TSFM: variants seen among roughly 807,000 people sequenced by gnomAD.
The protein encoded by TSFM is elongation factor Ts, mitochondrial.
A neutral mutation model predicts 33.4 loss-of-function variants in TSFM; 29 were observed. That is an observed-to-expected ratio of 0.87 (90% CI 0.65 to 1.18). The LOEUF is 1.18. Ranked by LOEUF, TSFM falls within the 50% of genes most tolerant of loss-of-function variation. TSFM has a pLI of 0.00. For missense variants in TSFM, 394 were observed against 395.6 expected (o/e 1.00, Z 0.04); for synonymous variants, 178 against 163.5 (o/e 1.09, Z -0.68).
intron 5 of TSFM, among the ~76,000 whole-genome samples, chr12:57,793,654 T>C (rs962580646): frequency 1.3e-5 from 2 of 152,188 alleles, no homozygotes; most frequent in Non-Finnish European, 2.9e-5. Flanking sequence ...GAATTTAGAT[T>C]TGTATCCAAA....
intron 4 of TSFM, among the ~76,000 whole-genome samples, chr12:57,787,858 T>A (rs1347750615): frequency 6.7e-6 from 1 of 150,254 alleles, no homozygotes; most frequent in Non-Finnish European, 1.5e-5. Context: ...ACCCGGGAGG[T>A]AGAGGCTGCA....
At position 57,783,090 on chromosome 12, in the gene TSFM, C is replaced by T; in HGVS notation, c.58-20C>T. The T allele has an allele frequency of 6.3e-7, 1 of 1,597,822 alleles. No homozygotes were observed. The highest frequency in any genetic ancestry group is 8.5e-7 in the Non-Finnish European group (1 of 1,173,794). ...GAGTTTGCTGCTTCCTGCTCCTCATCCCTTTCTTATCTCATCTAGGCTGGG... is the reference window on the plus strand; with the variant it reads ...GAGTTTGCTGCTTCCTGCTCCTCATTCCTTTCTTATCTCATCTAGGCTGGG... On this transcript the variant is annotated intron_variant, in intron 1 of 5. Coordinates refer to ENST00000652027, the MANE Select transcript of TSFM (RefSeq NM_005726.6).
downstream of TSFM, among the ~76,000 whole-genome samples, chr12:57,799,017 A>G (rs1184913392): frequency 6.6e-6 from 1 of 152,230 alleles, no homozygotes; most frequent in Non-Finnish European, 1.5e-5. Context: ...GAAGCTGAGA[A>G]TATGATGGTG....
intron 3 of TSFM, among the ~76,000 whole-genome samples, chr12:57,786,839 C>G (rs2140417761): frequency 6.6e-6 from 1 of 152,298 alleles, no homozygotes; most frequent in Non-Finnish European, 1.5e-5. Flanking sequence ...CAGGCTATTG[C>G]TAACTCACTG....
Position 57,782,839 on chromosome 12 carries a change from C to G in TSFM, c.38C>G (p.Ala13Gly). 1 of 1,595,868 alleles carries G rather than the reference C, an allele frequency of 6.3e-7. No individual in the cohort carries two copies. Among genetic ancestry groups the G allele is most frequent in the Non-Finnish European group, 8.5e-7 (1 of 1,171,982 alleles). Residue 13 changes from alanine (A) to glycine (G), a missense_variant, in exon 1 of 6, where the codon GCG becomes GGG. Transcript: ENST00000652027. Reference sequence around the variant, plus strand: ...CGGTCGCTGCGCGTGTTTCTGGTCGCGCGGACCGGGAGCTACCCGGTGAGA... The same window carrying G: ...CGGTCGCTGCGCGTGTTTCTGGTCGGGCGGACCGGGAGCTACCCGGTGAGA... ...LLRSLRVFLV[A>G]RTGSYPAGSL...
At chr12:57,793,918 A>G (rs904032485) in intron 5 of TSFM, among the ~76,000 whole-genome samples, 1 of 152,198 alleles carries the variant, frequency 6.6e-6, no homozygotes, top group African/African-American at 2.4e-5. Context: ...GTAAAGATAC[A>G]TTCTTTTAGA....
At chr12:57,790,609 C>A (rs991525674) in intron 4 of TSFM, among the ~76,000 whole-genome samples, 1 of 151,880 alleles carries the variant, frequency 6.6e-6, no homozygotes, top group African/African-American at 2.4e-5. Context: ...ATTTGTAGTT[C>A]TTTTTGTCTT....
In TSFM at chr12:57,783,144, G is replaced by T. The variant is rs148797631; in HGVS notation, c.92G>T (p.Arg31Met). ...CTTCTGCGTCAGTCGCCCCAGCCAA[G>T]GCACACATTTTATGCTGGGCCCCGT... ...GSLLRQSPQP[R>M]HTFYAGPRLS... Residue 31 changes from arginine (R) to methionine (M), a missense_variant, in exon 2 of 6, where the codon AGG becomes ATG. Arg to Met is a moderately conservative substitution (Grantham distance 91). Coordinates refer to ENST00000652027, the MANE Select transcript of TSFM (RefSeq NM_005726.6). 6.2e-7 allele frequency: 1 copy of T among 1,612,530 alleles called. No homozygotes were observed. The highest frequency in any genetic ancestry group is 1.7e-5 in the Admixed American group (1 of 60,028).
chr12:57,799,833 G>A (rs376279230), downstream of TSFM: 4 of 1,614,014 alleles, frequency 2.5e-6, no homozygotes, highest in East Asian at 8.9e-5. Flanking sequence ...GGCAGCTCCT[G>A]ATTCTGGTTT....
chr12:57,797,027 T>C lies in TSFM; in HGVS notation c.*444T>C, dbSNP rs1012729427. The C allele has an allele frequency of 2.2e-5, 22 of 985,650 alleles. No homozygotes were observed. In the African/African-American group the frequency reaches 3.7e-4, roughly 16 times the overall value. The allele number at this position is 985,650 out of a possible 1,614,324, so 61.1% of individuals were successfully genotyped here. On this transcript the variant is annotated 3_prime_UTR_variant, in exon 6 of 6. Coordinates refer to ENST00000652027, the MANE Select transcript of TSFM (RefSeq NM_005726.6). The stretch of plus-strand genomic sequence containing the variant: ...TTCTTTAGGATTATTGATTCAAACC[T>C]AGAGTTGTCTGGAAAATGTGGGTTC...
downstream of TSFM, chr12:57,800,049 C>G (rs1955816394): frequency 7.4e-6 from 9 of 1,223,846 alleles, no homozygotes; most frequent in Admixed American, 2.0e-4. Flanking sequence ...TCTTTGATAA[C>G]AATGCTCCCC....
intron 4 of TSFM, among the ~76,000 whole-genome samples, chr12:57,791,428 G>A (rs1298150527): frequency 3.3e-5 from 5 of 152,104 alleles, no homozygotes; most frequent in South Asian, 2.1e-4. Flanking sequence ...CTTCTACCCC[G>A]TTCCTATCCA....
downstream of TSFM, chr12:57,797,978 C>T: frequency 1.2e-6 from 2 of 1,611,386 alleles, no homozygotes; most frequent in Non-Finnish European, 1.7e-6. Context: ...ACACAAAGTC[C>T]TGTTCAGAGA....
At chr12:57,800,362 C>G (rs2140436283), downstream of TSFM, 1 of 157,596 alleles carries the variant, frequency 6.3e-6, no homozygotes, top group Admixed American at 6.1e-5. Context: ...ACAGAATTGC[C>G]AGATGGTTTG....
chr12:57,802,388 AC>A (rs1356438532), downstream of TSFM: 1 of 1,561,850 alleles, frequency 6.4e-7, no homozygotes, highest in Admixed American at 1.9e-5. Context: ...CTGTGTTCAT[AC>A]CAAGGACTAA....
At position 57,783,188 on chromosome 12, in the gene TSFM, A is replaced by C. The variant is rs1955537174; in HGVS notation, c.136A>C (p.Ser46Arg). The C allele has an allele frequency of 4.3e-6, 7 of 1,613,664 alleles. No homozygotes were observed. The highest frequency in any genetic ancestry group is 5.9e-6 in the Non-Finnish European group (7 of 1,179,886). ...GCCCCGTCTGTCTGCCTCGGCCTCC[A>C]GCAAGGAGCTCCTCATGAAGCTGCG... ...AGPRLSASAS[S>R]KELLMKLRRK... is the part of the protein sequence containing the mutation. The change falls in exon 2 of 6, where the codon AGC becomes CGC. Residue 46 changes from serine (S) to arginine (R), a missense_variant. This residue lies in a region of TSFM where 208 missense variants were observed against 180.4 expected (regional missense o/e 1.15). Coordinates refer to ENST00000652027, the MANE Select transcript of TSFM (RefSeq NM_005726.6).
rs1174233501 is a variant in TSFM, at chr12:57,796,381, A to G, written c.776A>G (p.His259Arg). The G allele has an allele frequency of 6.2e-7, 1 of 1,603,000 alleles. No homozygotes were observed. The highest frequency in any genetic ancestry group is 1.7e-5 in the Admixed American group (1 of 57,730). The change falls in exon 6 of 6, where the codon CAT becomes CGT. Residue 259 changes from histidine (H) to arginine (R), a missense_variant. Physicochemically the swap from His to Arg is conservative, Grantham distance 29 (BLOSUM62 0). Transcript: ENST00000652027. ...GACGTTGGCCGCCGCCTTGGGCAGC[A>G]TGTGGTGGGCATGGCCCCCCTCTCT... Reference protein sequence around the residue: ...LEDVGRRLGQHVVGMAPLSVG... With the variant: ...LEDVGRRLGQRVVGMAPLSVG...
At position 57,796,882 on chromosome 12, in the gene TSFM, A is replaced by G; in HGVS notation, c.*299A>G. ...GGTATTTCTGAAATTTCTAACTTAT[A>G]TGTTCTGTCTTACACCTTTTATGAC... On this transcript the variant is annotated 3_prime_UTR_variant, in exon 6 of 6. Transcript: ENST00000652027. 2.9e-6 allele frequency: 3 copies of G among 1,041,980 alleles called. No individual in the cohort carries two copies. The highest frequency in any genetic ancestry group is 3.5e-6 in the Non-Finnish European group (3 of 868,386). 64.5% of individuals were successfully genotyped at this position (1,041,980 alleles called of 1,614,324 possible).
At position 57,797,197 on chromosome 12, in the gene TSFM, C is replaced by T; in HGVS notation, c.*614C>T. 7.1e-6 allele frequency: 7 copies of T among 985,374 alleles called. No individual in the cohort carries two copies. The highest frequency in any genetic ancestry group is 8.4e-6 in the Non-Finnish European group (7 of 829,934). The allele number at this position is 985,374 out of a possible 1,614,324, so 61.0% of individuals were successfully genotyped here. A position where few individuals can be genotyped will look rare whatever the true frequency, so the allele number is the denominator to read the frequency against. On this transcript the variant is annotated 3_prime_UTR_variant, in exon 6 of 6. Coordinates refer to ENST00000652027, the MANE Select transcript of TSFM (RefSeq NM_005726.6). ...GTGGGTGGGTGGGTACTGAGGTTTC[C>T]TGGCCAGCTGTAAGGCAGATTTTGA...
Sources: allele counts gnomAD v4.1 joint callset (sites outside exome capture counted in the v4.1 genomes callset), GRCh38; gene constraint gnomAD v4.1.1; regional missense constraint gnomAD v4.1.1; transcripts MANE v1.5; gene names NCBI Gene and HGNC (gene_info 2026-07-23, HGNC 2026-07-21).